The following CHRM2 variants were observed in gnomAD, a reference collection of about 807,000 sequenced individuals.
The protein encoded by CHRM2 is muscarinic acetylcholine receptor M2.
A neutral mutation model predicts 25.0 loss-of-function variants in CHRM2; 8 were observed. The observed-to-expected ratio is 0.32, with a 90% CI of 0.19 to 0.58. The LOEUF is 0.58. Ranked by LOEUF, CHRM2 falls within the 20% of genes least tolerant of loss-of-function variation. The pLI is 0.88. For missense variants in CHRM2, 440 were observed against 567.1 expected (o/e 0.78, Z 2.28); for synonymous variants, 202 against 205.7 (o/e 0.98, Z 0.15).
chr7:137,014,710 G>A (rs1055683790), intron 3 of CHRM2, 110 bp from the exon 4 acceptor site: 1 of 735,640 alleles, frequency 1.4e-6, no homozygotes, highest in African/African-American at 1.8e-5. Context: ...AATCATGCAG[G>A]GGAAGGGAGA....
chr7:136,941,312 AG>A (rs770926048), intron 2 of CHRM2, among the ~76,000 whole-genome samples: 28 of 152,218 alleles, frequency 1.8e-4, no homozygotes, highest in Non-Finnish European at 3.2e-4. Flanking sequence ...CATTACTTTT[AG>A]AACCAAAAGG....
chr7:136,963,743 G>A (rs1801240634), intron 2 of CHRM2, among the ~76,000 whole-genome samples: 1 of 152,040 alleles, frequency 6.6e-6, no homozygotes, highest in African/African-American at 2.4e-5. Context: ...TCCCACTGTG[G>A]AGCATTTAAA....
chr7:136,953,684 C>T (rs561686230), intron 2 of CHRM2, among the ~76,000 whole-genome samples: 114 of 151,088 alleles, frequency 7.5e-4, no homozygotes, highest in Non-Finnish European at 1.4e-3. Context: ...GACATGCAAA[C>T]CAAAAATTTC....
rs1399435346 is a variant in CHRM2, at chr7:137,016,328, C to T, written c.*62C>T. The stretch of plus-strand genomic sequence containing the variant: ...GCTTGAGAAGAATAAAAGGGATAAA[C>T]GAGCTCCTAGTTTTAAAATCTCTGC... On this transcript the variant is annotated 3_prime_UTR_variant, in exon 4 of 4. Transcript: ENST00000680005. 6.7e-6 allele frequency: 10 copies of T among 1,497,500 alleles called. No homozygotes were observed. Among genetic ancestry groups the T allele is most frequent in the South Asian group, 2.3e-5 (2 of 87,924 alleles). The allele number at this position is 1,497,500 out of a possible 1,614,324, so 92.8% of individuals were successfully genotyped here. A position where few individuals can be genotyped will look rare whatever the true frequency, so the allele number is the denominator to read the frequency against.
intron 2 of CHRM2, among the ~76,000 whole-genome samples, chr7:136,970,280 C>G (rs1161942943): frequency 6.6e-5 from 10 of 152,220 alleles, no homozygotes; most frequent in Admixed American, 6.5e-4. Context: ...GTCTCTATCT[C>G]TTTATCTTTT....
At chr7:136,991,462 T>C (rs1803223842) in intron 2 of CHRM2, among the ~76,000 whole-genome samples, 1 of 152,170 alleles carries the variant, frequency 6.6e-6, no homozygotes, top group South Asian at 2.1e-4. Flanking sequence ...GGTCTATTTC[T>C]GAGCTCTCTA....
intron 3 of CHRM2, among the ~76,000 whole-genome samples, chr7:137,002,387 T>C (rs934788964): frequency 6.6e-6 from 1 of 152,192 alleles, no homozygotes; most frequent in African/African-American, 2.4e-5. Context: ...TTTCATGATT[T>C]GTTCTAAATT....
At chr7:136,918,253 A>C (rs1487644142) in intron 2 of CHRM2, among the ~76,000 whole-genome samples, 3 of 152,138 alleles carry the variant, frequency 2.0e-5, no homozygotes, top group Admixed American at 2.0e-4. Flanking sequence ...ATTATTTAAA[A>C]GAGACAGAAA....
intron 3 of CHRM2, among the ~76,000 whole-genome samples, chr7:137,010,735 G>A (rs780951320): frequency 6.6e-6 from 1 of 151,870 alleles, no homozygotes; most frequent in African/African-American, 2.4e-5. Flanking sequence ...GACTGTAATA[G>A]CAACTAAGTT....
intron 2 of CHRM2, among the ~76,000 whole-genome samples, chr7:136,885,124 A>G (rs920167147): frequency 6.6e-6 from 1 of 152,216 alleles, no homozygotes; most frequent in Non-Finnish European, 1.5e-5. Context: ...AAAATGTTTT[A>G]TTCATCTTCA....
At chr7:136,963,715 A>T (rs324578) in intron 2 of CHRM2, among the ~76,000 whole-genome samples, 130,324 of 152,110 alleles carry the variant, frequency 0.86, 56,641 homozygotes, top group Middle Eastern at 0.97. Flanking sequence ...AATCACTTTT[A>T]AAAAAATGAC....
intron 2 of CHRM2, among the ~76,000 whole-genome samples, chr7:136,932,332 G>A (rs1354477384): frequency 6.6e-6 from 1 of 152,192 alleles, no homozygotes. Context: ...AAGCTCAAAT[G>A]AGGACAAAAA....
intron 2 of CHRM2, among the ~76,000 whole-genome samples, chr7:136,984,695 G>A (rs894160033): frequency 1.2e-4 from 19 of 152,080 alleles, no homozygotes; most frequent in African/African-American, 4.3e-4. Context: ...CTTGGCTAGA[G>A]GAAGGAGTTC....
intron 2 of CHRM2, among the ~76,000 whole-genome samples, chr7:136,978,976 C>T (rs324613): frequency 0.88 from 133,399 of 152,156 alleles, 59,033 homozygotes; most frequent in Middle Eastern, 0.97. Flanking sequence ...AATAATGGGA[C>T]TGCTGGGTCA....
rs191183370 is a variant in CHRM2, at chr7:136,974,907, T to A, written c.-124-17280T>A. On this transcript the variant is annotated intron_variant, in intron 2 of 3. Coordinates refer to ENST00000680005, the MANE Select transcript of CHRM2 (RefSeq NM_001006630.2). The stretch of plus-strand genomic sequence containing the variant: ...GTGAGAACTGATGAGAACTGATAAC[T>A]AATATAGTGATGGTAGTAATGCAAT... Among the ~76,000 whole-genome samples the A allele has an allele frequency of 1.8e-3, 281 of 152,268 alleles. 2 individuals carry two copies. Among genetic ancestry groups the A allele is most frequent in the Non-Finnish European group, 1.3e-3 (91 of 68,028 alleles).
At chr7:136,925,691 C>T (rs147302784) in intron 2 of CHRM2, among the ~76,000 whole-genome samples, 83 of 152,246 alleles carry the variant, frequency 5.5e-4, no homozygotes, top group African/African-American at 1.9e-3. Flanking sequence ...CCTGTCTCTG[C>T]AGAAATATTC....
intron 3 of CHRM2, among the ~76,000 whole-genome samples, chr7:137,001,788 T>C (rs1005586131): frequency 2.0e-5 from 3 of 152,190 alleles, no homozygotes; most frequent in Admixed American, 1.3e-4. Context: ...GTGTCTCATC[T>C]GTGGAATAAT....
At position 137,015,555 on chromosome 7, in the gene CHRM2, C is replaced by T. The variant is rs1414257334; in HGVS notation, c.690C>T (p.Pro230=). 3.7e-6 allele frequency: 6 copies of T among 1,612,830 alleles called. No homozygotes were observed. The highest frequency in any genetic ancestry group is 1.7e-4 in the Middle Eastern group (1 of 6,056). ...DKKEPVANQD[P]VSPSLVQGRI... ...AGGAGCCTGTTGCCAACCAAGACCC[C>T]GTTTCTCCAAGTCTGGTACAAGGAA... The change falls in exon 4 of 4, where the codon CCC becomes CCT. Residue 230 remains proline, a synonymous_variant. Coordinates refer to ENST00000680005, the MANE Select transcript of CHRM2 (RefSeq NM_001006630.2). This position sits in a 1 kb window ranked among gnomAD's most constrained non-coding sequence, Gnocchi z 5.1.
chr7:136,995,961 G>T (rs1191245467), intron 3 of CHRM2, among the ~76,000 whole-genome samples: 2 of 151,648 alleles, frequency 1.3e-5, no homozygotes, highest in East Asian at 1.9e-4. Context: ...ATTGCTACGG[G>T]TGTAAGAATA....
Sources: allele counts gnomAD v4.1 joint callset (sites outside exome capture counted in the v4.1 genomes callset), GRCh38; gene constraint gnomAD v4.1.1; non-coding constraint Gnocchi (gnomAD v3.1); transcripts MANE v1.5; gene names NCBI Gene and HGNC (gene_info 2026-07-23, HGNC 2026-07-21).